Variants in CHRDL1 observed in about 807,000 individuals in gnomAD.
The protein encoded by CHRDL1 is chordin like 1.
A neutral mutation model predicts 40.9 loss-of-function variants in CHRDL1; 19 were observed. The observed-to-expected ratio is 0.46, with a 90% CI of 0.32 to 0.68. The LOEUF (loss-of-function observed/expected upper bound fraction) is 0.68, where lower values mean the gene tolerates loss of function less well. Ranked by LOEUF, CHRDL1 falls within the 30% of genes least tolerant of loss-of-function variation. The pLI, the probability that CHRDL1 is intolerant of heterozygous loss-of-function variation, is 0.03. For synonymous variants in CHRDL1, 136 were observed against 123.4 expected, an observed-to-expected ratio of 1.10 and a Z score of -0.68; for missense variants, 329 against 352.1, an observed-to-expected ratio of 0.93 and a Z score of 0.53.
At chrX:110,735,335 T>C (rs900881573) in intron 4 of CHRDL1, among the ~76,000 whole-genome samples, 1 of 112,410 alleles carries the variant, frequency 8.9e-6, no homozygotes. Context: ...ACCTGTTTAA[T>C]GATAACTCAG....
intron 8 of CHRDL1, among the ~76,000 whole-genome samples, chrX:110,689,720 T>C (rs2070174574): frequency 2.5e-5 from 1 of 40,645 alleles, no homozygotes; most frequent in South Asian, 8.5e-4. Flanking sequence ...TATATATATC[T>C]ATATATATCT....
At chrX:110,764,295 T>C (rs1214658735) in intron 2 of CHRDL1, among the ~76,000 whole-genome samples, 1 of 112,172 alleles carries the variant, frequency 8.9e-6, no homozygotes, top group Non-Finnish European at 1.9e-5. Flanking sequence ...TTTTGGGTTT[T>C]TGGTCATGAA....
chrX:110,698,664 A>G (rs1002063605), intron 7 of CHRDL1, among the ~76,000 whole-genome samples: 14 of 112,134 alleles, frequency 1.2e-4, no homozygotes, highest in African/African-American at 4.6e-4. Context: ...GATTAAGTCC[A>G]GGCCTATCAC....
rs1448240825 is a variant in CHRDL1 at position 110,676,054 on chromosome X, T to G, written c.*177A>C. On this transcript the variant is annotated 3_prime_UTR_variant, in exon 12 of 12. Coordinates refer to ENST00000372042, the MANE Select transcript of CHRDL1 (RefSeq NM_001143981.2). ...CTTCTAGTCTCTTTGGAGGAGATGT[T>G]CAAGGGCTGACACACCACTCCACAC... is the stretch of plus-strand genomic sequence containing the variant. 2.5e-6 allele frequency: 1 copy of G among 398,427 alleles called. No individual in the cohort carries two copies. Among genetic ancestry groups the G allele is most frequent in the East Asian group, 4.1e-5 (1 of 24,414 alleles). The allele number at this position is 398,427 out of a possible 1,213,427, so 32.8% of individuals were successfully genotyped here.
chrX:110,733,931 CAAAAAAAAAAAA>C (rs1172760631), intron 4 of CHRDL1, among the ~76,000 whole-genome samples: 3 of 12,126 alleles, frequency 2.5e-4, no homozygotes, highest in Non-Finnish European at 5.7e-4. Flanking sequence ...AACTCTGTCT[CAAAAAAAAAAAA>C]AAAAAAAAAA....
chrX:110,794,677 C>T (rs1268881390), intron 1 of CHRDL1, among the ~76,000 whole-genome samples: 1 of 112,370 alleles, frequency 8.9e-6, no homozygotes, highest in Non-Finnish European at 1.9e-5. Context: ...TGTCAGGAGC[C>T]CACTTTCAGA....
intron 4 of CHRDL1, among the ~76,000 whole-genome samples, chrX:110,745,543 C>T (rs771292235): frequency 2.7e-5 from 3 of 111,586 alleles, no homozygotes; most frequent in Non-Finnish European, 5.7e-5. Context: ...GGCAAAGTGC[C>T]ATTCATCTGT....
intron 4 of CHRDL1, among the ~76,000 whole-genome samples, chrX:110,751,492 T>C (rs1467393857): frequency 8.9e-6 from 1 of 112,006 alleles, no homozygotes; most frequent in East Asian, 2.8e-4. Context: ...CAAGGCTCTG[T>C]CATATAAATA....
chrX:110,731,402 T>C (rs1282894099), intron 4 of CHRDL1, among the ~76,000 whole-genome samples: 1 of 111,096 alleles, frequency 9.0e-6, no homozygotes, highest in Non-Finnish European at 1.9e-5. Flanking sequence ...AAAATAATAA[T>C]AGTACAGCTG....
chrX:110,776,870 A>G (rs2089861240), intron 2 of CHRDL1, among the ~76,000 whole-genome samples: 2 of 110,632 alleles, frequency 1.8e-5, no homozygotes, highest in Non-Finnish European at 3.8e-5. Context: ...TCCAAAATTC[A>G]CATTAAGGTT....
chrX:110,774,946 T>C (rs1274173353), intron 2 of CHRDL1, among the ~76,000 whole-genome samples: 2 of 111,969 alleles, frequency 1.8e-5, no homozygotes, highest in African/African-American at 3.2e-5. Context: ...AATGCTTGCA[T>C]ACTTTGCAAC....
intron 7 of CHRDL1, among the ~76,000 whole-genome samples, chrX:110,695,454 T>C (rs1454057118): frequency 1.8e-5 from 2 of 110,988 alleles, no homozygotes; most frequent in Non-Finnish European, 3.8e-5. Context: ...GACCAGACTA[T>C]TGTGCTACCC....
intron 8 of CHRDL1, 57 bp downstream of exon 8, chrX:110,694,106 A>C (rs2070333980): frequency 2.1e-6 from 2 of 975,147 alleles, no homozygotes; most frequent in Non-Finnish European, 2.9e-6. Context: ...AGCCCTGCAA[A>C]GACCAGGGCT....
chrX:110,731,377 G>A (rs2071157439), intron 4 of CHRDL1, among the ~76,000 whole-genome samples: 1 of 111,036 alleles, frequency 9.0e-6, no homozygotes, highest in South Asian at 3.8e-4. Context: ...TACAGTGCTG[G>A]TGAGAATGTA....
chrX:110,772,412 G>A (rs1410850596), intron 2 of CHRDL1, among the ~76,000 whole-genome samples: 2 of 113,051 alleles, frequency 1.8e-5, no homozygotes, highest in African/African-American at 6.4e-5. Context: ...GCTGAGGCAG[G>A]CAAATCGCTT....
At chrX:110,778,195 C>A (rs1183488120) in intron 2 of CHRDL1, among the ~76,000 whole-genome samples, 1 of 111,247 alleles carries the variant, frequency 9.0e-6, no homozygotes, top group Non-Finnish European at 1.9e-5. Context: ...AAGGAACTGG[C>A]AAAGATTTCA....
chrX:110,743,542 G>A (rs1026979338), intron 4 of CHRDL1, among the ~76,000 whole-genome samples: 3 of 112,031 alleles, frequency 2.7e-5, no homozygotes, highest in Non-Finnish European at 5.6e-5. Flanking sequence ...GGTATTGTAT[G>A]CAAAGTCTGA....
At chrX:110,703,158 C>G (rs1325556368) in intron 6 of CHRDL1, among the ~76,000 whole-genome samples, 1 of 111,402 alleles carries the variant, frequency 9.0e-6, no homozygotes, top group Non-Finnish European at 1.9e-5. Flanking sequence ...CAACCCATAC[C>G]TACTAAGTCA....
chrX:110,741,633 T>C (rs146507578), intron 4 of CHRDL1, among the ~76,000 whole-genome samples: 4 of 111,519 alleles, frequency 3.6e-5, no homozygotes, highest in Non-Finnish European at 5.7e-5. Context: ...GCCGGAATTC[T>C]AGGAATCCTG....
Sources: gnomAD v4.1 joint callset for allele counts (sites outside exome capture counted in the v4.1 genomes callset) on GRCh38, gnomAD v4.1.1 for gene constraint, MANE v1.5 for transcripts, NCBI Gene and HGNC (gene_info 2026-07-23, HGNC 2026-07-21) for gene names.